Variants in IFIH1 observed in about 807,000 individuals in gnomAD.
IFIH1 encodes interferon induced with helicase C domain 1.
In IFIH1, 125 loss-of-function variants were observed where a neutral mutation model predicts 107.4. The observed-to-expected ratio is 1.16, with a 90% CI of 1.01 to 1.35. IFIH1 has a LOEUF of 1.35. IFIH1 is among the 40% of genes most tolerant of loss of function. IFIH1 has a pLI of 0.00. For synonymous variants in IFIH1, 458 were observed against 413.2 expected (o/e 1.11, Z -1.31); for missense variants, 1,333 against 1,213.7 (o/e 1.10, Z -1.46).
chr2:162,310,715 C>G (rs772520017), intron 2 of IFIH1, 50 bp downstream of exon 2: 1 of 1,492,664 alleles, frequency 6.7e-7, no homozygotes, highest in South Asian at 1.1e-5. Context: ...ATTGAATTCT[C>G]AATCACTAGG....
At chr2:162,285,766 G>T (rs889795605) in intron 5 of IFIH1, among the ~76,000 whole-genome samples, 2 of 151,852 alleles carry the variant, frequency 1.3e-5, no homozygotes, top group Admixed American at 1.3e-4. Flanking sequence ...GAAGAGAAGG[G>T]AATATTATAG....
chr2:162,288,917 G>GCACACACACACA (rs3051152), intron 4 of IFIH1, among the ~76,000 whole-genome samples: 7 of 135,366 alleles, frequency 5.2e-5, no homozygotes, highest in African/African-American at 7.9e-5. Flanking sequence ...ATACCAAAAA[G>GCACACACACACA]CACACACACA....
At position 162,318,076 on chromosome 2, in the gene IFIH1, C is replaced by T. The variant is rs1683543876; in HGVS notation, c.232G>A (p.Glu78Lys). The T allele has an allele frequency of 6.2e-7, 1 of 1,614,174 alleles. No homozygotes were observed. Among genetic ancestry groups the T allele is most frequent in the African/African-American group, 1.3e-5 (1 of 75,048 alleles). ...GTTCTCCGGAGGGCCTCCACGAATT[C>T]CCGAGTCCAACCAAGGTGCCAGACT... ...KGVWHLGWTR[E>K]FVEALRRTGS... Residue 78 changes from glutamate to lysine, a missense_variant, in exon 1 of 16, where the codon GAA becomes AAA. Physicochemically the swap from Glu to Lys is moderately conservative, Grantham distance 56. Coordinates refer to ENST00000649979, the MANE Select transcript of IFIH1 (RefSeq NM_022168.4).
intron 7 of IFIH1, among the ~76,000 whole-genome samples, chr2:162,280,909 T>A (rs977667220): frequency 7.2e-5 from 11 of 152,026 alleles, no homozygotes; most frequent in African/African-American, 2.4e-4. Context: ...TTGAATTACC[T>A]AGATTCCTAG....
intron 4 of IFIH1, among the ~76,000 whole-genome samples, chr2:162,289,539 C>T (rs1682960165): frequency 6.6e-6 from 1 of 151,860 alleles, no homozygotes; most frequent in Non-Finnish European, 1.5e-5. Context: ...ACTTCTTTTT[C>T]TTATCAATGT....
Position 162,267,336 on chromosome 2 carries a change from CA to C in IFIH1, c.2941del (p.Cys981ValfsTer4). 6.2e-7 allele frequency: 1 copy of C among 1,612,728 alleles called. No individual in the cohort carries two copies. Among genetic ancestry groups the C allele is most frequent in the Non-Finnish European group, 8.5e-7 (1 of 1,179,688 alleles). ...MMVHKGLDLP[C>X]LKIRNFVVVF... ...CACTACAAAATTCCTTATTTTGAGA[CA>C]AGGCAAATCTAAGCCTTTGTGCACC... On this transcript the variant is annotated frameshift_variant, in exon 16 of 16. Coordinates refer to ENST00000649979, the MANE Select transcript of IFIH1 (RefSeq NM_022168.4). LOFTEE classifies it high-confidence loss of function.
chr2:162,315,789 C>T (rs1041611863), intron 1 of IFIH1, among the ~76,000 whole-genome samples: 2 of 152,146 alleles, frequency 1.3e-5, no homozygotes, highest in African/African-American at 2.4e-5. Context: ...ATTATTCTAC[C>T]AAACTTAATG....
chr2:162,273,673 A>C (rs1300338005), intron 12 of IFIH1, 122 bp downstream of exon 12: 3 of 743,344 alleles, frequency 4.0e-6, no homozygotes, highest in Non-Finnish European at 6.5e-6. Flanking sequence ...CTCTTTTAAC[A>C]GGAAAAAGGC....
In IFIH1 at chr2:162,318,571, G is replaced by T. The variant is rs921316880; in HGVS notation, c.-264C>A. On this transcript the variant is annotated 5_prime_UTR_variant, in exon 1 of 16. Coordinates refer to ENST00000649979, the MANE Select transcript of IFIH1 (RefSeq NM_022168.4). ...GCAGGCAGGTGCGGCCGGCAGGCGC[G>T]GCACTTTGGACTCTGCGGTGTGCGC... 1 of 241,710 alleles carries T rather than the reference G, an allele frequency of 4.1e-6. No individual in the cohort carries two copies. Among genetic ancestry groups the T allele is most frequent in the East Asian group, 9.0e-5 (1 of 11,084 alleles). The allele number at this position is 241,710 out of a possible 1,614,324, so 15.0% of individuals were successfully genotyped here. A position where few individuals can be genotyped will look rare whatever the true frequency, so the allele number is the denominator to read the frequency against.
At chr2:162,295,516 C>A (rs1683071575) in intron 3 of IFIH1, among the ~76,000 whole-genome samples, 1 of 151,828 alleles carries the variant, frequency 6.6e-6, no homozygotes, top group South Asian at 2.1e-4. Flanking sequence ...TGTAAGGTAT[C>A]TTTCTTAAAA....
rs1280454055 is a variant in IFIH1 at position 162,317,966 on chromosome 2, A to G, written c.342T>C (p.Tyr114=). 6 of 1,614,166 alleles carry G rather than the reference A, an allele frequency of 3.7e-6. No homozygotes were observed. Among genetic ancestry groups the G allele is most frequent in the Admixed American group, 1.7e-5 (1 of 60,022 alleles). Reference sequence around the variant, plus strand: ...GCTGAAGGAGGTTCAGCAGTTGGAGATATTCATCATGAGCGTTCTCAAACG... The same window carrying G: ...GCTGAAGGAGGTTCAGCAGTTGGAGGTATTCATCATGAGCGTTCTCAAACG... ...SPSFENAHDE[Y]LQLLNLLQPT... Residue 114 remains tyrosine (Y), a synonymous_variant, in exon 1 of 16, where the codon TAT becomes TAC. Coordinates refer to ENST00000649979, the MANE Select transcript of IFIH1 (RefSeq NM_022168.4).
At chr2:162,311,028 A>G (rs528157274) in intron 1 of IFIH1, 95 bp from the exon 2 acceptor site, 23 of 854,110 alleles carry the variant, frequency 2.7e-5, no homozygotes, top group African/African-American at 6.9e-5. Flanking sequence ...GCAATTAAGC[A>G]TAAGTATAAA....
rs771155568 is a variant in IFIH1, at chr2:162,276,710, TG to T, written c.2280del (p.Ser760ArgfsTer7). 5.6e-6 allele frequency: 9 copies of T among 1,613,682 alleles called. No homozygotes were observed. In the African/African-American group the frequency reaches 1.2e-4, roughly 22 times the overall value. ...KAHHLIGAGH[S>X]SEFKPMTQNE... The stretch of plus-strand genomic sequence containing the variant: ...ACCTGTGTCATGGGTTTGAACTCAC[TG>T]CTGTGTCCAGCTCCAATCAGATGGT... On this transcript the variant is annotated frameshift_variant, in exon 11 of 16. Coordinates refer to ENST00000649979, the MANE Select transcript of IFIH1 (RefSeq NM_022168.4). LOFTEE classifies it high-confidence loss of function.
chr2:162,295,504 T>TA (rs1396651474), intron 3 of IFIH1, among the ~76,000 whole-genome samples: 1 of 151,978 alleles, frequency 6.6e-6, no homozygotes, highest in Non-Finnish European at 1.5e-5. Flanking sequence ...GCCAATCAAA[T>TA]ATGTAAGGTA....
chr2:162,301,409 T>C (rs1487148904), intron 3 of IFIH1, among the ~76,000 whole-genome samples: 1 of 152,210 alleles, frequency 6.6e-6, no homozygotes. Context: ...TTGCATTTTC[T>C]AGTTTTCACA....
chr2:162,282,363 G>C lies in IFIH1; in HGVS notation c.1306+3C>G. On this transcript the variant is annotated splice_donor_region_variant and intron_variant, in intron 6 of 15. Transcript: ENST00000649979. ...TTTTAAAAAAATAAACACTTAAACT[G>C]ACCTGACAATTGAACACCAGCATCT... is the stretch of plus-strand genomic sequence containing the variant. The C allele has an allele frequency of 6.3e-7, 1 of 1,595,696 alleles. No individual in the cohort carries two copies. Among genetic ancestry groups the C allele is most frequent in the Non-Finnish European group, 8.6e-7 (1 of 1,166,528 alleles).
At chr2:162,296,749 A>G (rs905527113) in intron 3 of IFIH1, among the ~76,000 whole-genome samples, 1 of 152,120 alleles carries the variant, frequency 6.6e-6, no homozygotes, top group African/African-American at 2.4e-5. Flanking sequence ...CTTTGCTAAC[A>G]TTTCTGGTTT....
intron 2 of IFIH1, 134 bp from the exon 3 acceptor site, chr2:162,306,989 T>G: frequency 3.1e-6 from 2 of 653,400 alleles, no homozygotes; most frequent in South Asian, 4.2e-5. Flanking sequence ...TTAAATACTT[T>G]GAAGTTCTGA....
At chr2:162,312,657 T>C (rs989690534) in intron 1 of IFIH1, among the ~76,000 whole-genome samples, 1 of 152,182 alleles carries the variant, frequency 6.6e-6, no homozygotes, top group African/African-American at 2.4e-5. Context: ...TCTAAGCAGA[T>C]TTTTGCTCAT....
Sources: gnomAD v4.1 joint callset for allele counts (sites outside exome capture counted in the v4.1 genomes callset) on GRCh38, gnomAD v4.1.1 for gene constraint, MANE v1.5 for transcripts, NCBI Gene and HGNC (gene_info 2026-07-23, HGNC 2026-07-21) for gene names.